The following LPP variants were observed in gnomAD, a reference collection of about 807,000 sequenced individuals.
LPP encodes the protein lipoma-preferred partner.
In LPP, 38 loss-of-function variants were observed where a neutral mutation model predicts 60.4. The observed-to-expected ratio is 0.63, with a 90% CI of 0.49 to 0.83. LPP has a LOEUF of 0.83. Ranked by LOEUF, LPP falls within the 40% of genes least tolerant of loss-of-function variation. LPP has a pLI of 0.00. For missense variants in LPP, 902 were observed against 783.6 expected, an observed-to-expected ratio of 1.15 and a Z score of -1.80; for synonymous variants, 328 against 290.8, an observed-to-expected ratio of 1.13 and a Z score of -1.30.
chr3:188,404,302 T>C (rs1782916628), intron 3 of LPP, among the ~76,000 whole-genome samples: 1 of 152,196 alleles, frequency 6.6e-6, no homozygotes, highest in East Asian at 1.9e-4. Flanking sequence ...TGGAGTACAG[T>C]GGTGCAATCA....
intron 8 of LPP, among the ~76,000 whole-genome samples, chr3:188,753,924 C>A: frequency 6.6e-6 from 1 of 152,232 alleles, no homozygotes; most frequent in Middle Eastern, 3.4e-3. Context: ...AGTGACAGAA[C>A]TACATGTGTC....
At chr3:188,715,341 G>A (rs978064964) in intron 8 of LPP, among the ~76,000 whole-genome samples, 1 of 118,200 alleles carries the variant, frequency 8.5e-6, no homozygotes, top group African/African-American at 3.3e-5. Flanking sequence ...TCGTGCCACT[G>A]CACTCCAGCC....
intron 1 of LPP, among the ~76,000 whole-genome samples, chr3:188,185,751 C>T (rs754030169): frequency 6.6e-6 from 1 of 152,196 alleles, no homozygotes; most frequent in Non-Finnish European, 1.5e-5. Flanking sequence ...CAGCGGCTTC[C>T]CTTCTGTCGT....
intron 9 of LPP, among the ~76,000 whole-genome samples, chr3:188,838,704 C>T (rs934015926): frequency 6.6e-6 from 1 of 152,116 alleles, no homozygotes; most frequent in Non-Finnish European, 1.5e-5. Flanking sequence ...ATGTCCTTTT[C>T]AGGGACATGG....
chr3:188,309,349 G>C (rs1578010340), intron 2 of LPP, among the ~76,000 whole-genome samples: 1 of 152,062 alleles, frequency 6.6e-6, no homozygotes, highest in African/African-American at 2.4e-5. Context: ...AATATACAGT[G>C]GAGGAGAGTA....
Position 188,887,111 on chromosome 3 carries a change from G to A in LPP, c.*12632G>A, listed in dbSNP as rs1436117949. 1 of 228,802 alleles carries A rather than the reference G, an allele frequency of 4.4e-6. No homozygotes were observed. The highest frequency in any genetic ancestry group is 8.7e-6 in the Non-Finnish European group (1 of 115,418). 14.2% of individuals were successfully genotyped at this position (228,802 alleles called of 1,614,324 possible). ...TTTATCCCGAGGCATAGCAGTAATC[G>A]TTACTATCTTGACTCTTTCCTTCAT... On this transcript the variant is annotated 3_prime_UTR_variant, in exon 12 of 12. Transcript: ENST00000617246.
chr3:188,690,489 T>C (rs1328619475), intron 7 of LPP, among the ~76,000 whole-genome samples: 2 of 152,204 alleles, frequency 1.3e-5, no homozygotes, highest in Admixed American at 6.5e-5. Context: ...TTTCTAATGT[T>C]TCAAAAAACA....
At chr3:188,563,458 A>ATGTGTGTG (rs966931196) in intron 6 of LPP, among the ~76,000 whole-genome samples, 16 of 76,068 alleles carry the variant, frequency 2.1e-4, no homozygotes, top group African/African-American at 8.2e-4. Context: ...ATTTACATAT[A>ATGTGTGTG]TATGTGTGTG....
intron 9 of LPP, among the ~76,000 whole-genome samples, chr3:188,860,106 G>A (rs1001281917): frequency 1.1e-4 from 16 of 151,670 alleles, no homozygotes; most frequent in African/African-American, 3.9e-4. Flanking sequence ...CTCACAGGAA[G>A]GCAGAGCTGT....
At chr3:188,799,657 C>A (rs1363116980) in intron 9 of LPP, among the ~76,000 whole-genome samples, 1 of 152,142 alleles carries the variant, frequency 6.6e-6, no homozygotes, top group Non-Finnish European at 1.5e-5. Context: ...ATAAAGTGTG[C>A]CTGTTACCTT....
intron 2 of LPP, among the ~76,000 whole-genome samples, chr3:188,340,469 T>C (rs1037028349): frequency 6.6e-6 from 1 of 151,750 alleles, no homozygotes; most frequent in Non-Finnish European, 1.5e-5. Context: ...TGTTCTTTTC[T>C]TAACCTGTTT....
In LPP at chr3:188,360,727, C is replaced by A. The variant is rs574052843; in HGVS notation, c.-10+19008C>A. 2.4e-4 allele frequency among the ~76,000 whole-genome samples: 37 copies of A among 152,124 alleles called. 2 individuals are homozygous for A. Among genetic ancestry groups the A allele is most frequent in the Non-Finnish European group, 2.9e-5 (2 of 68,026 alleles). On this transcript the variant is annotated intron_variant, in intron 3 of 11. Transcript: ENST00000617246. ...ATCCACTTCTTAAGCCTGGTAAACA[C>A]TTTTATTAGATAAGAGAGACAGTTT...
chr3:188,190,927 A>G (rs1021590729), intron 1 of LPP, among the ~76,000 whole-genome samples: 5 of 152,184 alleles, frequency 3.3e-5, no homozygotes, highest in African/African-American at 1.2e-4. Context: ...TTGATGTGCC[A>G]CCATTTTTAA....
At chr3:188,503,182 C>T (rs145810452) in intron 5 of LPP, among the ~76,000 whole-genome samples, 4 of 152,046 alleles carry the variant, frequency 2.6e-5, no homozygotes, top group Non-Finnish European at 5.9e-5. Context: ...TTACATTTAA[C>T]ATCCTAACGT....
At chr3:188,507,262 T>G (rs1020095224) in intron 5 of LPP, among the ~76,000 whole-genome samples, 39 of 152,124 alleles carry the variant, frequency 2.6e-4, no homozygotes, top group African/African-American at 8.9e-4. Flanking sequence ...GTTGTAAGCA[T>G]GCAAAGGGTT....
chr3:188,474,036 A>G (rs533421188), intron 4 of LPP, among the ~76,000 whole-genome samples: 1 of 152,354 alleles, frequency 6.6e-6, no homozygotes, highest in Non-Finnish European at 1.5e-5. Flanking sequence ...TGAAGGACCT[A>G]TGACCCACCG....
chr3:188,784,295 A>G (rs995931979), intron 9 of LPP, among the ~76,000 whole-genome samples: 2 of 143,996 alleles, frequency 1.4e-5, no homozygotes, highest in Non-Finnish European at 3.0e-5. Context: ...TCATATATAT[A>G]TATTCCATCA....
chr3:188,427,488 G>A (rs1789714339), intron 4 of LPP, among the ~76,000 whole-genome samples: 1 of 152,128 alleles, frequency 6.6e-6, no homozygotes, highest in Non-Finnish European at 1.5e-5. Flanking sequence ...TGACAATTAT[G>A]TATCTTGGGG....
intron 10 of LPP, 110 bp from the exon 11 acceptor site, chr3:188,872,533 A>C: frequency 8.6e-7 from 1 of 1,160,252 alleles, no homozygotes. Context: ...CACCTTACGG[A>C]TGAGGAAGCA....
Sources: gnomAD v4.1 joint callset for allele counts (sites outside exome capture counted in the v4.1 genomes callset) on GRCh38, gnomAD v4.1.1 for gene constraint, MANE v1.5 for transcripts, NCBI Gene and HGNC (gene_info 2026-07-23, HGNC 2026-07-21) for gene names.